KANK1: variants seen among roughly 807,000 people sequenced by gnomAD.
The protein encoded by KANK1 is KN motif and ankyrin repeat domain-containing protein 1.
KANK1 carries 109 observed loss-of-function variants against 106.2 expected under a neutral mutation model. The ratio of observed to expected loss-of-function variants is 1.03; its 90% CI spans 0.88 to 1.20. The LOEUF is 1.20. Ranked by LOEUF, KANK1 falls within the 50% of genes most tolerant of loss-of-function variation. The pLI is 0.00. For missense variants in KANK1, 2,399 were observed against 1,710.7 expected, an observed-to-expected ratio of 1.40 and a Z score of -7.10; for synonymous variants, 873 against 652.2, an observed-to-expected ratio of 1.34 and a Z score of -5.16.
At chr9:649,217 C>T (rs1257030949) in intron 1 of KANK1, among the ~76,000 whole-genome samples, 1 of 152,050 alleles carries the variant, frequency 6.6e-6, no homozygotes. Flanking sequence ...ATTGCTATTC[C>T]CTCTCCACCT....
intron 1 of KANK1, among the ~76,000 whole-genome samples, chr9:544,176 A>G (rs1232005610): frequency 2.6e-5 from 4 of 152,024 alleles, no homozygotes; most frequent in African/African-American, 7.2e-5. Context: ...GTGCACCACC[A>G]TACCCGGCTA....
At chr9:685,819 C>A (rs9408677) in intron 2 of KANK1, among the ~76,000 whole-genome samples, 56,987 of 152,010 alleles carry the variant, frequency 0.37, 11,755 homozygotes, top group East Asian at 0.88. Context: ...TTTAGTCTCA[C>A]AATATTTGGT....
At chr9:724,989 A>T (rs1402432096) in intron 3 of KANK1, among the ~76,000 whole-genome samples, 1 of 152,196 alleles carries the variant, frequency 6.6e-6, no homozygotes, top group Admixed American at 6.5e-5. Context: ...CAGTTAGGGG[A>T]CATCAAGTCA....
intron 3 of KANK1, among the ~76,000 whole-genome samples, chr9:725,146 A>C (rs113386663): frequency 6.6e-6 from 1 of 152,130 alleles, no homozygotes; most frequent in Non-Finnish European, 1.5e-5. Context: ...ATTTGGGGAC[A>C]GGGGACTGTT....
chr9:514,473 C>T (rs1392873088), intron 1 of KANK1, among the ~76,000 whole-genome samples: 1 of 150,542 alleles, frequency 6.6e-6, no homozygotes, highest in Admixed American at 6.6e-5. Context: ...CCCTTCTAGT[C>T]ACAACTCTTG....
In KANK1 at chr9:744,501, C is replaced by G; in HGVS notation, c.3908C>G (p.Thr1303Ser). The G allele has an allele frequency of 6.2e-7, 1 of 1,613,988 alleles. No individual in the cohort carries two copies. The highest frequency in any genetic ancestry group is 8.5e-7 in the Non-Finnish European group (1 of 1,179,900). The change falls in exon 11 of 12, where the codon ACT becomes AGT. Residue 1303 changes from threonine to serine, a missense_variant. Coordinates refer to ENST00000382297, the MANE Select transcript of KANK1 (RefSeq NM_015158.5). ...NGHLEDNDGS[T>S]ALSIALEAGH... ...CCATCTTATCTTAAGGATGGCAGCACTGCGCTCTCAATCGCCCTGGAAGCA... is the reference window on the plus strand; with the variant it reads ...CCATCTTATCTTAAGGATGGCAGCAGTGCGCTCTCAATCGCCCTGGAAGCA...
intron 1 of KANK1, among the ~76,000 whole-genome samples, chr9:639,096 C>CT (rs1269259523): frequency 6.6e-6 from 1 of 152,142 alleles, no homozygotes; most frequent in Non-Finnish European, 1.5e-5. Flanking sequence ...TTAGGACATG[C>CT]TTTCCCCCCA....
chr9:686,805 C>A (rs1383250270), intron 2 of KANK1: 2 of 985,180 alleles, frequency 2.0e-6, no homozygotes, highest in Admixed American at 1.2e-4. Context: ...GCTGAGTGTT[C>A]TCTGAGGAAC....
intron 1 of KANK1, among the ~76,000 whole-genome samples, chr9:674,858 C>T (rs1050528807): frequency 1.3e-5 from 2 of 152,058 alleles, no homozygotes; most frequent in African/African-American, 4.8e-5. Context: ...CGTGCACCAC[C>T]AGCCTTGGCT....
chr9:682,330 C>T (rs9299037), intron 2 of KANK1, among the ~76,000 whole-genome samples: 80,334 of 151,330 alleles, frequency 0.53, 23,396 homozygotes, highest in East Asian at 0.9. Flanking sequence ...TAAAATTTGA[C>T]AGGAAACCAG....
At chr9:606,288 GGC>G (rs1829136681) in intron 1 of KANK1, among the ~76,000 whole-genome samples, 5 of 149,784 alleles carry the variant, frequency 3.3e-5, no homozygotes, top group African/African-American at 1.3e-4. Context: ...TGGGGGCGGT[GGC>G]TCACACCTGA....
At chr9:635,910 G>A (rs1365640541) in intron 1 of KANK1, among the ~76,000 whole-genome samples, 1 of 151,836 alleles carries the variant, frequency 6.6e-6, no homozygotes, top group Admixed American at 6.6e-5. Context: ...CCTGGCCTCA[G>A]GTGATCCACC....
At position 738,426 on chromosome 9, in the gene KANK1, G is replaced by A. The variant is rs768633335; in HGVS notation, c.3475G>A (p.Asp1159Asn). ...CCTCCGCTATGTCATCAACTTGGCA[G>A]ACGGCAACGGCAACACAGCCCTCCA... is the stretch of plus-strand genomic sequence containing the variant. ...DVLRYVINLADGNGNTALHYS... is the reference protein window; with the variant it reads ...DVLRYVINLANGNGNTALHYS... The change falls in exon 8 of 12, where the codon GAC (aspartate) becomes AAC (asparagine). Residue 1159 changes from aspartate to asparagine, a missense_variant. By Grantham distance (23) the Asp-to-Asn change is conservative. Transcript: ENST00000382297. The A allele has an allele frequency of 1.2e-6, 2 of 1,614,142 alleles. No homozygotes were observed. Among genetic ancestry groups the A allele is most frequent in the Non-Finnish European group, 1.7e-6 (2 of 1,180,020 alleles).
At chr9:533,906 G>A (rs752997039) in intron 1 of KANK1, among the ~76,000 whole-genome samples, 5 of 152,146 alleles carry the variant, frequency 3.3e-5, no homozygotes, top group African/African-American at 9.7e-5. Context: ...AAACCACCAG[G>A]CACATTATCT....
chr9:478,049 A>G, intron 3 of KANK1: 1 of 182,418 alleles, frequency 5.5e-6, no homozygotes, highest in Non-Finnish European at 1.1e-5. Flanking sequence ...CTGACCATTC[A>G]GAACAGACAG....
Position 738,387 on chromosome 9 carries a change from A to C in KANK1, c.3436A>C (p.Ile1146Leu), listed in dbSNP as rs761832672. ...GGACTACATAGCTGCTTTTGAGGCC[A>C]TTTCCCCAGATGTCCTCCGCTATGT... ...VGDYIAAFEAISPDVLRYVIN... is the reference protein window; with the variant it reads ...VGDYIAAFEALSPDVLRYVIN... Residue 1146 changes from isoleucine to leucine, a missense_variant, in exon 8 of 12, where the codon ATT (isoleucine) becomes CTT (leucine). Ile to Leu is a conservative substitution (Grantham distance 5, BLOSUM62 2). Transcript: ENST00000382297. 8 of 1,614,096 alleles carry C rather than the reference A, an allele frequency of 5.0e-6. No individual in the cohort carries two copies. The Middle Eastern group carries it at 4.9e-4, about 100-fold the overall frequency.
chr9:566,293 A>G (rs1041926243), intron 1 of KANK1, among the ~76,000 whole-genome samples: 3 of 152,060 alleles, frequency 2.0e-5, no homozygotes, highest in East Asian at 3.9e-4. Flanking sequence ...TGTCTTTGCT[A>G]TTGTGAATAG....
chr9:545,799 G>A (rs369486140), intron 1 of KANK1, among the ~76,000 whole-genome samples: 99 of 142,802 alleles, frequency 6.9e-4, no homozygotes, highest in East Asian at 3.1e-3. Flanking sequence ...AGGATGGAGC[G>A]CAGTGACTCG....
chr9:722,081 C>G (rs1043786756), intron 3 of KANK1, among the ~76,000 whole-genome samples: 1 of 152,192 alleles, frequency 6.6e-6, no homozygotes, highest in Non-Finnish European at 1.5e-5. Flanking sequence ...TACTTCTGAC[C>G]TCCAAGCTGT....
Sources: allele counts gnomAD v4.1 joint callset (sites outside exome capture counted in the v4.1 genomes callset), GRCh38; gene constraint gnomAD v4.1.1; transcripts MANE v1.5; gene names NCBI Gene and HGNC (gene_info 2026-07-23, HGNC 2026-07-21).